Variants in GLRA3 observed in about 807,000 individuals in gnomAD.
The protein encoded by GLRA3 is glycine receptor subunit alpha-3.
GLRA3 carries 44 observed loss-of-function variants against 60.4 expected under a neutral mutation model. The observed-to-expected ratio is 0.73, with a 90% confidence interval of 0.57 to 0.94. The LOEUF is 0.94. GLRA3 is among the 40% of genes least tolerant of loss of function. The pLI, the probability that GLRA3 is intolerant of heterozygous loss-of-function variation, is 0.00. For synonymous variants in GLRA3, 223 were observed against 192.9 expected (o/e 1.16, Z -1.29); for missense variants, 508 against 564.6 (o/e 0.90, Z 1.02).
intron 1 of GLRA3, among the ~76,000 whole-genome samples, chr4:174,801,593 C>T (rs747264111): frequency 6.6e-6 from 1 of 152,178 alleles, no homozygotes; most frequent in Non-Finnish European, 1.5e-5. Context: ...CTAACTTTTA[C>T]ATATCATATC....
At chr4:174,783,214 G>A (rs899729858) in intron 2 of GLRA3, among the ~76,000 whole-genome samples, 2 of 150,778 alleles carry the variant, frequency 1.3e-5, no homozygotes, top group Admixed American at 6.6e-5. Context: ...AACAAACAAT[G>A]GGGAAAGGAT....
rs1196492007 is a variant in GLRA3, at chr4:174,641,145, T to C, written c.*2641A>G. 1 of 152,114 alleles carries C rather than the reference T, an allele frequency of 6.6e-6. No homozygotes were observed. Among genetic ancestry groups the C allele is most frequent in the Admixed American group, 6.6e-5 (1 of 15,246 alleles). The allele number at this position is 152,114 out of a possible 1,614,324, so 9.4% of individuals were successfully genotyped here. ...TTCTTTTTAAGAAAATGATATAAACTGCATACATGAAAATCCCATATTTTC... is the reference window on the plus strand; with the variant it reads ...TTCTTTTTAAGAAAATGATATAAACCGCATACATGAAAATCCCATATTTTC... On this transcript the variant is annotated 3_prime_UTR_variant, in exon 10 of 10. Transcript: ENST00000274093.
At chr4:174,784,939 A>C (rs528173905) in intron 2 of GLRA3, among the ~76,000 whole-genome samples, 1 of 152,288 alleles carries the variant, frequency 6.6e-6, no homozygotes, top group East Asian at 1.9e-4. Context: ...GGAAGAGAAC[A>C]GATTAATCAG....
rs1732585112 is a variant in GLRA3 at position 174,639,813 on chromosome 4, G to T, written c.*3973C>A. ...TACACTGCTTATTTATCCATGAAAG[G>T]TTTATATAACAATAAAAAAAATGCA... On this transcript the variant is annotated 3_prime_UTR_variant, in exon 10 of 10. Transcript: ENST00000274093. 6.6e-6 allele frequency: 1 copy of T among 150,532 alleles called. No homozygotes were observed. The highest frequency in any genetic ancestry group is 2.5e-5 in the African/African-American group (1 of 40,008). 9.3% of individuals were successfully genotyped at this position (150,532 alleles called of 1,614,324 possible).
chr4:174,674,235 G>A (rs913648674), intron 7 of GLRA3, among the ~76,000 whole-genome samples: 1 of 152,108 alleles, frequency 6.6e-6, no homozygotes, highest in African/African-American at 2.4e-5. Flanking sequence ...AGTCTTCCTT[G>A]ATAGGCCCCA....
chr4:174,698,103 T>C (rs1735134746), intron 5 of GLRA3, among the ~76,000 whole-genome samples: 1 of 152,200 alleles, frequency 6.6e-6, no homozygotes, highest in African/African-American at 2.4e-5. Context: ...CAAACCACTT[T>C]AGCAATATCT....
intron 5 of GLRA3, among the ~76,000 whole-genome samples, chr4:174,707,615 C>CT (rs1406555644): frequency 2.0e-5 from 3 of 152,198 alleles, no homozygotes; most frequent in African/African-American, 7.2e-5. Context: ...GGAGGGAACT[C>CT]TAAGTCTTTT....
chr4:174,813,624 A>T (rs1740358703), intron 1 of GLRA3, among the ~76,000 whole-genome samples: 1 of 152,210 alleles, frequency 6.6e-6, no homozygotes, highest in Admixed American at 6.5e-5. Context: ...TCAACTGATG[A>T]ATTATGCTGA....
intron 1 of GLRA3, among the ~76,000 whole-genome samples, chr4:174,812,609 T>C (rs1474842130): frequency 3.3e-5 from 5 of 152,066 alleles, no homozygotes; most frequent in African/African-American, 9.7e-5. Flanking sequence ...CAGGTAAATA[T>C]AGCACTAGGA....
At chr4:174,699,062 A>G (rs960683241) in intron 5 of GLRA3, among the ~76,000 whole-genome samples, 6 of 149,038 alleles carry the variant, frequency 4.0e-5, no homozygotes, top group Non-Finnish European at 8.9e-5. Context: ...CAGTGGTGTG[A>G]TCTCAGCTTA....
chr4:174,817,306 C>T (rs555480599), intron 1 of GLRA3, among the ~76,000 whole-genome samples: 57 of 152,304 alleles, frequency 3.7e-4, no homozygotes, highest in South Asian at 8.3e-4. Context: ...GAAGCAATCC[C>T]GCGTTAAGGG....
At chr4:174,775,292 C>T (rs2111259063) in intron 2 of GLRA3, among the ~76,000 whole-genome samples, 1 of 152,130 alleles carries the variant, frequency 6.6e-6, no homozygotes, top group South Asian at 2.1e-4. Context: ...CTTTAAAATG[C>T]TAACATTTAC....
At chr4:174,680,796 A>C (rs1320127298) in intron 6 of GLRA3, among the ~76,000 whole-genome samples, 1 of 152,172 alleles carries the variant, frequency 6.6e-6, no homozygotes, top group East Asian at 1.9e-4. Context: ...TGTGTATGAA[A>C]ACATTTTTAA....
At chr4:174,808,574 A>G (rs1740140151) in intron 1 of GLRA3, among the ~76,000 whole-genome samples, 1 of 152,112 alleles carries the variant, frequency 6.6e-6, no homozygotes, top group Non-Finnish European at 1.5e-5. Flanking sequence ...TAGATTTTTC[A>G]AAGTTAGCTG....
chr4:174,795,348 T>A (rs1312124917), intron 1 of GLRA3, among the ~76,000 whole-genome samples: 1 of 152,080 alleles, frequency 6.6e-6, no homozygotes, highest in Non-Finnish European at 1.5e-5. Context: ...TTTTTTTCTA[T>A]TCTTTAATAC....
chr4:174,645,716 C>T (rs533832791), intron 9 of GLRA3, among the ~76,000 whole-genome samples: 1 of 152,252 alleles, frequency 6.6e-6, no homozygotes, highest in Admixed American at 6.5e-5. Flanking sequence ...ACAGTCCAAA[C>T]TACCTGAGAC....
At chr4:174,667,411 A>G (rs1010580325) in intron 7 of GLRA3, among the ~76,000 whole-genome samples, 1 of 152,168 alleles carries the variant, frequency 6.6e-6, no homozygotes, top group African/African-American at 2.4e-5. Context: ...CTTGAATAGC[A>G]CATAAAGGCA....
intron 9 of GLRA3, among the ~76,000 whole-genome samples, chr4:174,649,361 T>C (rs1732949476): frequency 1.3e-5 from 2 of 152,110 alleles, no homozygotes; most frequent in African/African-American, 4.8e-5. Flanking sequence ...GAGTAAGATA[T>C]ACTCAGTAGG....
At chr4:174,762,370 G>A (rs932421254) in intron 3 of GLRA3, among the ~76,000 whole-genome samples, 1 of 151,922 alleles carries the variant, frequency 6.6e-6, no homozygotes, top group African/African-American at 2.4e-5. Flanking sequence ...AGAACATCTG[G>A]ACCACCTATA....
Sources: allele counts gnomAD v4.1 joint callset (sites outside exome capture counted in the v4.1 genomes callset), GRCh38; gene constraint gnomAD v4.1.1; transcripts MANE v1.5; gene names NCBI Gene and HGNC (gene_info 2026-07-23, HGNC 2026-07-21).